LRRC37A2: variants seen among roughly 807,000 people sequenced by gnomAD.
LRRC37A2 encodes the protein leucine-rich repeat-containing protein 37A2.
LRRC37A2 carries 9 observed loss-of-function variants against 68.8 expected under a neutral mutation model. The ratio of observed to expected loss-of-function variants is 0.13; its 90% CI spans 0.08 to 0.23. The LOEUF is 0.23. Among genes scored for constraint, LRRC37A2 ranks in the 10% least tolerant of loss-of-function variants. The pLI, the probability that LRRC37A2 is intolerant of heterozygous loss-of-function variation, is 1.00. For missense variants in LRRC37A2, 168 were observed against 950.4 expected, an observed-to-expected ratio of 0.18 and a Z score of 10.82; for synonymous variants, 63 against 367.6, an observed-to-expected ratio of 0.17 and a Z score of 9.48.
chr17:46,977,440 A>C, the LRRC37A2 span, among the ~76,000 whole-genome samples: 126,791 of 151,908 alleles, frequency 0.83, 53,498 homozygotes, highest in Middle Eastern at 0.9. Context: ...CCCTGTCCCC[A>C]ACTTCCAGAA....
the LRRC37A2 span, among the ~76,000 whole-genome samples, chr17:47,026,800 G>T: frequency 6.6e-6 from 1 of 152,082 alleles, no homozygotes; most frequent in Non-Finnish European, 1.5e-5. Context: ...TTAGGTAAAG[G>T]GGTAGCTTCC....
the LRRC37A2 span, among the ~76,000 whole-genome samples, chr17:46,938,442 T>A: frequency 6.6e-6 from 1 of 152,200 alleles, no homozygotes; most frequent in Admixed American, 6.5e-5. Context: ...GTCGACGACA[T>A]GAGAGTGGCT....
the LRRC37A2 span, among the ~76,000 whole-genome samples, chr17:46,690,611 CA>C: frequency 7.6e-5 from 7 of 91,828 alleles, no homozygotes; most frequent in African/African-American, 1.3e-4. Context: ...GACTCCGTCT[CA>C]AAAAAAAAAA....
chr17:46,856,919 C>T, the LRRC37A2 span, among the ~76,000 whole-genome samples: 1 of 152,152 alleles, frequency 6.6e-6, no homozygotes, highest in Non-Finnish European at 1.5e-5. Flanking sequence ...TTGCAATCAA[C>T]CCTCTCCCAC....
the LRRC37A2 span, among the ~76,000 whole-genome samples, chr17:46,843,972 A>T: frequency 4.6e-5 from 7 of 152,196 alleles, no homozygotes; most frequent in South Asian, 1.2e-3. Flanking sequence ...TTCTAAGACA[A>T]GGTTCTTGCT....
At chr17:46,829,591 G>A in the LRRC37A2 span, among the ~76,000 whole-genome samples, 1 of 152,178 alleles carries the variant, frequency 6.6e-6, no homozygotes, top group Admixed American at 6.5e-5. Context: ...TTTCGGGGAT[G>A]GAGGGGCACA....
chr17:46,783,663 C>T, the LRRC37A2 span, among the ~76,000 whole-genome samples: 5 of 152,250 alleles, frequency 3.3e-5, no homozygotes, highest in South Asian at 2.1e-4. Flanking sequence ...TCTCTAGGAA[C>T]GGGGGCAAGT....
chr17:46,545,535 G>GT (rs1339482702), intron 8 of LRRC37A2, among the ~76,000 whole-genome samples: 1 of 125,352 alleles, frequency 8.0e-6, no homozygotes, highest in Non-Finnish European at 1.6e-5. Context: ...GTTCTCAAAT[G>GT]TTTTTTCACC....
chr17:46,493,197 G>C, the LRRC37A2 span, among the ~76,000 whole-genome samples: 1 of 121,070 alleles, frequency 8.3e-6, no homozygotes, highest in African/African-American at 3.7e-5. Context: ...TTGCTCTGTT[G>C]CCCAGGCTGG....
chr17:47,004,336 G>C, the LRRC37A2 span, among the ~76,000 whole-genome samples: 1 of 152,162 alleles, frequency 6.6e-6, no homozygotes. Context: ...CCTTTTTAAA[G>C]GTATGTTTGT....
the LRRC37A2 span, chr17:46,955,596 C>T: frequency 6.6e-6 from 1 of 152,170 alleles, no homozygotes. Flanking sequence ...CATTAATTCC[C>T]TATGGAGATC....
the LRRC37A2 span, among the ~76,000 whole-genome samples, chr17:46,954,580 G>C: frequency 6.6e-6 from 1 of 152,214 alleles, no homozygotes; most frequent in East Asian, 1.9e-4. Flanking sequence ...TTGGTAGCTT[G>C]ATGGGGATGA....
chr17:46,939,769 A>G, the LRRC37A2 span: 1 of 987,666 alleles, frequency 1.0e-6, no homozygotes, highest in Non-Finnish European at 1.2e-6. Flanking sequence ...CAGGGACTAC[A>G]ACCTTTTTCC....
chr17:46,655,899 A>G, the LRRC37A2 span, among the ~76,000 whole-genome samples: 1 of 104,642 alleles, frequency 9.6e-6, no homozygotes, highest in African/African-American at 4.4e-5. Flanking sequence ...CATGTTATCT[A>G]GAAATGAATC....
At chr17:46,784,787 T>C in the LRRC37A2 span, among the ~76,000 whole-genome samples, 1 of 150,878 alleles carries the variant, frequency 6.6e-6, no homozygotes, top group Non-Finnish European at 1.5e-5. Context: ...CTTTTTTTTT[T>C]TTTTTTGAGA....
the LRRC37A2 span, among the ~76,000 whole-genome samples, chr17:46,742,885 A>G: frequency 2.0e-5 from 3 of 152,226 alleles, no homozygotes; most frequent in Non-Finnish European, 1.5e-5. Flanking sequence ...GTTGAATAAT[A>G]CAAGCTAAGA....
At chr17:46,474,089 G>A in the LRRC37A2 span, among the ~76,000 whole-genome samples, 5 of 105,056 alleles carry the variant, frequency 4.8e-5, no homozygotes, top group African/African-American at 1.4e-4. Flanking sequence ...TCACTCTGTC[G>A]CCCAGGCTGG....
the LRRC37A2 span, among the ~76,000 whole-genome samples, chr17:46,989,170 T>C: frequency 1.8e-3 from 280 of 152,292 alleles, no homozygotes; most frequent in African/African-American, 6.6e-3. Context: ...GCTAGTCAGA[T>C]GCCTTTCCGG....
chr17:46,771,648 G>A, the LRRC37A2 span, among the ~76,000 whole-genome samples: 1 of 144,034 alleles, frequency 6.9e-6, no homozygotes, highest in Non-Finnish European at 1.5e-5. Context: ...CGCCGGGCCC[G>A]GGCCGCCGGG....
Sources: gnomAD v4.1 joint callset for allele counts (sites outside exome capture counted in the v4.1 genomes callset) on GRCh38, gnomAD v4.1.1 for gene constraint, MANE v1.5 for transcripts, NCBI Gene and HGNC (gene_info 2026-07-23, HGNC 2026-07-21) for gene names.